MME: variants seen among roughly 807,000 people sequenced by gnomAD.
The protein encoded by MME is membrane metalloendopeptidase.
Under a neutral mutation model 113.2 loss-of-function variants are expected in MME, and 98 were observed. The ratio of observed to expected loss-of-function variants is 0.87; its 90% CI spans 0.74 to 1.02. The LOEUF (loss-of-function observed/expected upper bound fraction) is 1.02, where lower values mean the gene tolerates loss of function less well. MME is among the 50% of genes least tolerant of loss of function. The pLI is 0.00. For synonymous variants in MME, 292 were observed against 300.6 expected (o/e 0.97, Z 0.30); for missense variants, 836 against 896.0 (o/e 0.93, Z 0.86).
intron 9 of MME, among the ~76,000 whole-genome samples, chr3:155,139,360 T>C (rs1720879606): frequency 6.6e-6 from 1 of 152,178 alleles, no homozygotes; most frequent in Non-Finnish European, 1.5e-5. Flanking sequence ...TTGAATCATT[T>C]ATGCATCTCT....
At chr3:155,144,316 G>A in intron 13 of MME, 43 bp from the exon 14 acceptor site, 1 of 1,285,126 alleles carries the variant, frequency 7.8e-7, no homozygotes, top group Non-Finnish European at 1.1e-6. Context: ...GTGTTACAAA[G>A]AATGAATTAA....
intron 8 of MME, among the ~76,000 whole-genome samples, chr3:155,125,105 G>A (rs1719510661): frequency 8.1e-6 from 1 of 124,052 alleles, no homozygotes; most frequent in African/African-American, 2.9e-5. Flanking sequence ...AGCCAGGTGT[G>A]GGATATAGTC....
intron 22 of MME, among the ~76,000 whole-genome samples, chr3:155,178,712 A>G (rs1323542304): frequency 6.6e-6 from 1 of 152,166 alleles, no homozygotes; most frequent in African/African-American, 2.4e-5. Flanking sequence ...TAGTATTTGC[A>G]TATAACCTAT....
intron 22 of MME, among the ~76,000 whole-genome samples, chr3:155,176,170 A>C (rs1357148695): frequency 6.6e-6 from 1 of 152,186 alleles, no homozygotes; most frequent in African/African-American, 2.4e-5. Context: ...CATTAATTGC[A>C]AACAGTAATT....
intron 5 of MME, 49 bp from the exon 6 acceptor site, chr3:155,116,615 A>C (rs749881300): frequency 5.0e-6 from 6 of 1,189,450 alleles, no homozygotes; most frequent in Non-Finnish European, 7.1e-6. Context: ...TATTGGTGCC[A>C]AACTATGCCT....
At chr3:155,089,219 G>A (rs536760571) in intron 3 of MME, among the ~76,000 whole-genome samples, 10 of 152,130 alleles carry the variant, frequency 6.6e-5, no homozygotes, top group South Asian at 2.1e-4. Context: ...ATTATTCATC[G>A]CTTATTTACC....
intron 1 of MME, among the ~76,000 whole-genome samples, chr3:155,062,629 G>A (rs115116800): frequency 0.03 from 4,533 of 152,074 alleles, 105 homozygotes; most frequent in South Asian, 0.089. Context: ...GGAAACAATA[G>A]GCAATAGAAC....
At chr3:155,031,176 T>C (rs1286727569) in intron 1 of MME, among the ~76,000 whole-genome samples, 1 of 152,148 alleles carries the variant, frequency 6.6e-6, no homozygotes, top group Non-Finnish European at 1.5e-5. Context: ...CTTTACATCT[T>C]TAAGAGCAGG....
chr3:155,127,133 AT>A (rs1008024789), intron 8 of MME, among the ~76,000 whole-genome samples: 2 of 151,914 alleles, frequency 1.3e-5, no homozygotes, highest in African/African-American at 4.8e-5. Flanking sequence ...GATTTTGCAT[AT>A]TAGTCTGGTC....
At position 155,115,094 on chromosome 3, in the gene MME, GA is replaced by G. The variant is rs753679568; in HGVS notation, c.298del (p.Thr100ProfsTer11). 2 of 1,613,914 alleles carry G rather than the reference GA, an allele frequency of 1.2e-6. No individual in the cohort carries two copies. Among genetic ancestry groups the G allele is most frequent in the Non-Finnish European group, 1.7e-6 (2 of 1,180,018 alleles). ...GGTTGAAACGTAATGTCATTCCCGA[GA>G]CCAGCTCCCGTTACGGCAACTTTGA... The part of the protein sequence containing the change: ...GWLKRNVIPE[T>X]SSRYGNFDIL... On this transcript the variant is annotated frameshift_variant, in exon 4 of 23. Coordinates refer to ENST00000360490, the MANE Select transcript of MME (RefSeq NM_007289.4). LOFTEE classifies it high-confidence loss of function.
chr3:155,155,784 C>G (rs1362202037), intron 16 of MME, among the ~76,000 whole-genome samples: 1 of 152,166 alleles, frequency 6.6e-6, no homozygotes, highest in Non-Finnish European at 1.5e-5. Context: ...TCCACCCACC[C>G]AAGTGTCTCC....
chr3:155,131,075 CTG>C (rs1720108223), intron 8 of MME, among the ~76,000 whole-genome samples: 1 of 152,066 alleles, frequency 6.6e-6, no homozygotes, highest in Non-Finnish European at 1.5e-5. Flanking sequence ...TAATAAGTGA[CTG>C]GGGTAAGGCA....
chr3:155,072,975 G>C (rs1179037304), intron 1 of MME, among the ~76,000 whole-genome samples: 3 of 152,122 alleles, frequency 2.0e-5, no homozygotes, highest in African/African-American at 7.2e-5. Context: ...ATCTCTGCTG[G>C]AAAAAGTTCA....
chr3:155,115,221 A>G (rs1247819268), intron 4 of MME, 66 bp downstream of exon 4: 1 of 1,569,008 alleles, frequency 6.4e-7, no homozygotes, highest in Non-Finnish European at 8.7e-7. Flanking sequence ...TTAAATATAC[A>G]ATTGTTAGCC....
At chr3:155,047,304 G>T (rs1344707897) in intron 1 of MME, among the ~76,000 whole-genome samples, 4 of 152,108 alleles carry the variant, frequency 2.6e-5, no homozygotes, top group Admixed American at 6.6e-5. Flanking sequence ...ACTGTCTATA[G>T]TATTTAATAG....
At chr3:155,158,833 C>T (rs1278491116) in intron 16 of MME, 2 of 151,832 alleles carry the variant, frequency 1.3e-5, no homozygotes, top group Admixed American at 6.6e-5. Flanking sequence ...ACTGATGACT[C>T]GGCTGTAATG....
At chr3:155,158,009 G>A (rs1233582770) in intron 16 of MME, among the ~76,000 whole-genome samples, 1 of 151,988 alleles carries the variant, frequency 6.6e-6, no homozygotes, top group East Asian at 1.9e-4. Context: ...AAAACAAAAG[G>A]TATGACATTT....
chr3:155,089,488 T>A (rs1716088205), intron 3 of MME, among the ~76,000 whole-genome samples: 1 of 152,208 alleles, frequency 6.6e-6, no homozygotes, highest in African/African-American at 2.4e-5. Context: ...ACCAACTAGA[T>A]GTCCAGTAGC....
At chr3:155,179,439 G>C (rs1192850467) in intron 22 of MME, among the ~76,000 whole-genome samples, 3 of 152,146 alleles carry the variant, frequency 2.0e-5, no homozygotes, top group Admixed American at 6.6e-5. Flanking sequence ...GGTTGGAGGA[G>C]AGAGAAGTCC....
Sources: allele counts gnomAD v4.1 joint callset (sites outside exome capture counted in the v4.1 genomes callset), GRCh38; gene constraint gnomAD v4.1.1; transcripts MANE v1.5; gene names NCBI Gene and HGNC (gene_info 2026-07-23, HGNC 2026-07-21).